Variants in ZBTB20 observed in about 807,000 individuals in gnomAD.
ZBTB20 encodes the protein zinc finger and BTB domain-containing protein 20.
ZBTB20 carries 9 observed loss-of-function variants against 56.9 expected under a neutral mutation model. The observed-to-expected ratio is 0.16, with a 90% CI of 0.10 to 0.28. The LOEUF (loss-of-function observed/expected upper bound fraction) is 0.28. ZBTB20 is among the 10% of genes least tolerant of loss of function. ZBTB20 has a pLI of 1.00. For missense variants in ZBTB20, 655 were observed against 1,003.0 expected (o/e 0.65, Z 4.69); for synonymous variants, 417 against 420.7 (o/e 0.99, Z 0.11).
intron 6 of ZBTB20, among the ~76,000 whole-genome samples, chr3:114,612,058 T>C (rs189142042): frequency 6.6e-6 from 1 of 152,358 alleles, no homozygotes; most frequent in Admixed American, 6.5e-5. Context: ...TTCCATTGGT[T>C]GATATTTTTC....
At chr3:114,951,589 A>G (rs1054277615) in intron 3 of ZBTB20, among the ~76,000 whole-genome samples, 8 of 152,124 alleles carry the variant, frequency 5.3e-5, no homozygotes, top group Non-Finnish European at 1.0e-4. Flanking sequence ...CGTAAGCAAA[A>G]CTGATATTGA....
rs6148023 is a variant in ZBTB20, at chr3:114,769,552, CATATATATATATATATATAT to C, written c.-343+31529_-343+31548del. ...CTTTGTTTTACTGTGTGCCAAAATG[CATATATATATATATATATAT>C]ATATATATATATATATATATATATA... On this transcript the variant is annotated intron_variant, in intron 5 of 11. Transcript: ENST00000675478. Among the ~76,000 whole-genome samples the C allele has an allele frequency of 4.6e-3, 541 of 116,638 alleles. 6 individuals carry two copies. Among genetic ancestry groups the C allele is most frequent in the Middle Eastern group, 7.8e-3 (2 of 258 alleles). 76.5% of individuals were successfully genotyped at this position (116,638 alleles called of 152,430 possible). A position where few individuals can be genotyped will look rare whatever the true frequency, so the allele number is the denominator to read the frequency against.
At chr3:115,032,704 C>T (rs1423858416) in intron 2 of ZBTB20, among the ~76,000 whole-genome samples, 2 of 150,948 alleles carry the variant, frequency 1.3e-5, no homozygotes, top group African/African-American at 2.4e-5. Flanking sequence ...CCTTTCTGAC[C>T]ACAAAGGGAT....
intron 6 of ZBTB20, among the ~76,000 whole-genome samples, chr3:114,641,388 T>C (rs903445325): frequency 1.3e-5 from 2 of 151,956 alleles, no homozygotes; most frequent in East Asian, 3.8e-4. Flanking sequence ...AAATTTAAAG[T>C]ACAAAAGTAT....
intron 2 of ZBTB20, among the ~76,000 whole-genome samples, chr3:115,047,969 C>T (rs2108422360): frequency 6.6e-6 from 1 of 152,116 alleles, no homozygotes; most frequent in Non-Finnish European, 1.5e-5. Flanking sequence ...GTCTGTAATC[C>T]CAGCACTTTG....
At chr3:114,912,716 C>G (rs1047899346) in intron 3 of ZBTB20, among the ~76,000 whole-genome samples, 2 of 151,848 alleles carry the variant, frequency 1.3e-5, no homozygotes, top group Non-Finnish European at 2.9e-5. Context: ...TTCTAGCTAT[C>G]GTTTTGTACT....
chr3:114,703,387 T>A (rs1412862132), intron 5 of ZBTB20, among the ~76,000 whole-genome samples: 2 of 152,144 alleles, frequency 1.3e-5, no homozygotes, highest in Admixed American at 1.3e-4. Flanking sequence ...TATTTGTACA[T>A]TTCAAGGAAT....
At chr3:115,021,180 A>G (rs1044448169) in intron 2 of ZBTB20, among the ~76,000 whole-genome samples, 1 of 151,026 alleles carries the variant, frequency 6.6e-6, no homozygotes, top group Admixed American at 6.6e-5. Flanking sequence ...TTTCTAAGTT[A>G]AAGTCTTAAT....
At chr3:114,952,390 C>A (rs1205798582) in intron 3 of ZBTB20, among the ~76,000 whole-genome samples, 1 of 152,070 alleles carries the variant, frequency 6.6e-6, no homozygotes, top group Non-Finnish European at 1.5e-5. Context: ...TGATCTTAGA[C>A]TTCTCAGCTT....
intron 6 of ZBTB20, among the ~76,000 whole-genome samples, chr3:114,576,640 G>C (rs1034634999): frequency 1.4e-4 from 21 of 146,198 alleles, no homozygotes; most frequent in Non-Finnish European, 3.0e-5. Context: ...CTCATTTCAT[G>C]TAGGATACTA....
At chr3:114,455,078 GGA>G (rs1164754237) in intron 7 of ZBTB20, among the ~76,000 whole-genome samples, 1 of 143,434 alleles carries the variant, frequency 7.0e-6, no homozygotes, top group Non-Finnish European at 1.5e-5. Context: ...AGAGAGAGAG[GGA>G]GAGAGAGGAG....
intron 6 of ZBTB20, among the ~76,000 whole-genome samples, chr3:114,603,731 A>AG (rs1387202629): frequency 6.6e-6 from 1 of 152,012 alleles, no homozygotes; most frequent in Non-Finnish European, 1.5e-5. Flanking sequence ...GAAAAGGCTA[A>AG]GGAGATGAAC....
rs567135570 is a variant in ZBTB20, at chr3:114,580,066, A to C, written c.-294-79675T>G. ...ATTGTCACAGCAAAACTCTATAGTAACAGTTAAGAAAATAAAATTTAAAGA... is the reference window on the plus strand; with the variant it reads ...ATTGTCACAGCAAAACTCTATAGTACCAGTTAAGAAAATAAAATTTAAAGA... On this transcript the variant is annotated intron_variant, in intron 6 of 11. Transcript: ENST00000675478. Among the ~76,000 whole-genome samples, 10 of 151,878 alleles carry C rather than the reference A, an allele frequency of 6.6e-5. No homozygotes were observed. The South Asian group carries it at 1.5e-3, about 22-fold the overall frequency.
intron 6 of ZBTB20, among the ~76,000 whole-genome samples, chr3:114,585,364 T>A (rs1370098590): frequency 2.6e-5 from 4 of 152,186 alleles, no homozygotes; most frequent in Non-Finnish European, 2.9e-5. Flanking sequence ...GGGAAGCTAC[T>A]GATGACAGGA....
chr3:114,858,929 G>T (rs558110301), intron 4 of ZBTB20, among the ~76,000 whole-genome samples: 3 of 152,134 alleles, frequency 2.0e-5, no homozygotes, highest in Admixed American at 1.3e-4. Flanking sequence ...GCAGGTATTT[G>T]AAGTATATAA....
At chr3:114,839,457 A>AAGAGAGAG (rs1182961435) in intron 4 of ZBTB20, among the ~76,000 whole-genome samples, 35 of 151,266 alleles carry the variant, frequency 2.3e-4, no homozygotes, top group African/African-American at 8.3e-4. Context: ...GAAAGAAAGA[A>AAGAGAGAG]AGAAAGAAAG....
intron 2 of ZBTB20, among the ~76,000 whole-genome samples, chr3:115,051,507 T>C (rs1254652905): frequency 1.3e-5 from 2 of 152,166 alleles, no homozygotes; most frequent in African/African-American, 4.8e-5. Flanking sequence ...TTTAAATGAA[T>C]ACATAGGTAT....
intron 2 of ZBTB20, among the ~76,000 whole-genome samples, chr3:115,041,789 C>T (rs1043998966): frequency 1.3e-5 from 2 of 152,148 alleles, no homozygotes; most frequent in Non-Finnish European, 2.9e-5. Context: ...GCCATCTCTG[C>T]CCCATGTCAT....
At chr3:114,610,670 C>G (rs1012672389) in intron 6 of ZBTB20, among the ~76,000 whole-genome samples, 1 of 152,140 alleles carries the variant, frequency 6.6e-6, no homozygotes, top group African/African-American at 2.4e-5. Context: ...AGGGTTGTCC[C>G]TATTCAACAT....
Sources: allele counts gnomAD v4.1 joint callset (sites outside exome capture counted in the v4.1 genomes callset), GRCh38; gene constraint gnomAD v4.1.1; transcripts MANE v1.5; gene names NCBI Gene and HGNC (gene_info 2026-07-23, HGNC 2026-07-21).